ERBB4: variants seen among roughly 807,000 people sequenced by gnomAD.
ERBB4 encodes the protein receptor tyrosine-protein kinase erbB-4.
A neutral mutation model predicts 158.0 loss-of-function variants in ERBB4; 42 were observed. The observed-to-expected ratio is 0.27, with a 90% CI of 0.21 to 0.34. The LOEUF is 0.34. ERBB4 is among the 10% of genes least tolerant of loss of function. ERBB4 has a pLI of 1.00. For missense variants in ERBB4, 1,333 were observed against 1,624.1 expected (o/e 0.82, Z 3.08); for synonymous variants, 583 against 558.7 (o/e 1.04, Z -0.61).
At chr2:212,334,927 G>T (rs1435571087) in intron 1 of ERBB4, among the ~76,000 whole-genome samples, 2 of 151,866 alleles carry the variant, frequency 1.3e-5, no homozygotes, top group African/African-American at 2.4e-5. Context: ...TCATAAGTAA[G>T]CAGGTAAACA....
intron 1 of ERBB4, among the ~76,000 whole-genome samples, chr2:212,294,032 TTTC>T (rs1342696461): frequency 1.3e-5 from 2 of 151,960 alleles, no homozygotes; most frequent in African/African-American, 4.8e-5. Flanking sequence ...AAATTTATAT[TTTC>T]TTCAACAGTA....
chr2:211,416,174 T>C (rs2063386587), intron 25 of ERBB4, among the ~76,000 whole-genome samples: 1 of 152,214 alleles, frequency 6.6e-6, no homozygotes, highest in African/African-American at 2.4e-5. Flanking sequence ...TTAAATTAAA[T>C]TTTCTAATAT....
intron 5 of ERBB4, 71 bp downstream of exon 5, chr2:211,750,568 C>A: frequency 7.8e-7 from 1 of 1,279,284 alleles, no homozygotes. Flanking sequence ...TGACCAGAGG[C>A]ATGAAATGGA....
chr2:211,712,349 TG>T (rs2073732988), intron 8 of ERBB4, among the ~76,000 whole-genome samples, 173 bp from the exon 9 acceptor site: 1 of 152,202 alleles, frequency 6.6e-6, no homozygotes, highest in African/African-American at 2.4e-5. Context: ...CATTCACTAC[TG>T]GTTCTGCTTT....
At chr2:212,054,260 G>A (rs1347798724) in intron 2 of ERBB4, among the ~76,000 whole-genome samples, 1 of 152,176 alleles carries the variant, frequency 6.6e-6, no homozygotes, top group African/African-American at 2.4e-5. Flanking sequence ...GTAAGAACAG[G>A]TTAATCATTT....
At chr2:211,714,784 G>A (rs1414276555) in intron 7 of ERBB4, among the ~76,000 whole-genome samples, 1 of 152,162 alleles carries the variant, frequency 6.6e-6, no homozygotes, top group African/African-American at 2.4e-5. Context: ...ATCATGTTGG[G>A]CAGGTCCAAG....
chr2:211,431,940 G>T (rs377023148), intron 20 of ERBB4, among the ~76,000 whole-genome samples: 1 of 152,016 alleles, frequency 6.6e-6, no homozygotes, highest in Non-Finnish European at 1.5e-5. Context: ...TAATCTAGAG[G>T]AGTAATAATT....
At chr2:211,591,125 T>C (rs934290869) in intron 19 of ERBB4, among the ~76,000 whole-genome samples, 11 of 152,318 alleles carry the variant, frequency 7.2e-5, no homozygotes, top group African/African-American at 2.6e-4. Flanking sequence ...AATAAAGATA[T>C]TGATTTATCA....
chr2:212,528,402 C>T (rs1692567743), intron 1 of ERBB4, among the ~76,000 whole-genome samples: 1 of 152,158 alleles, frequency 6.6e-6, no homozygotes, highest in African/African-American at 2.4e-5. Flanking sequence ...TTCACCATTA[C>T]ATACTACTTC....
chr2:211,861,475 T>G (rs1413209091), intron 3 of ERBB4, among the ~76,000 whole-genome samples: 1 of 151,072 alleles, frequency 6.6e-6, no homozygotes, highest in Non-Finnish European at 1.5e-5. Context: ...AGTGCTAGGA[T>G]TACAGACACG....
chr2:212,428,645 G>A (rs2091964113), intron 1 of ERBB4, among the ~76,000 whole-genome samples: 1 of 152,032 alleles, frequency 6.6e-6, no homozygotes, highest in South Asian at 2.1e-4. Flanking sequence ...TACTAAAAAT[G>A]TAAGAAAATA....
chr2:212,137,375 T>G (rs933519942), intron 1 of ERBB4, among the ~76,000 whole-genome samples: 168 of 152,296 alleles, frequency 1.1e-3, no homozygotes, highest in Non-Finnish European at 2.8e-4. Flanking sequence ...CCCCTCTGTG[T>G]GTCCATGTGT....
At chr2:212,394,632 T>C (rs909197392) in intron 1 of ERBB4, among the ~76,000 whole-genome samples, 1 of 152,120 alleles carries the variant, frequency 6.6e-6, no homozygotes, top group Non-Finnish European at 1.5e-5. Context: ...TGTTAAATAT[T>C]TTCTTCCACG....
chr2:211,605,789 ATTTT>A (rs1016144411), intron 19 of ERBB4, among the ~76,000 whole-genome samples: 1 of 152,092 alleles, frequency 6.6e-6, no homozygotes, highest in African/African-American at 2.4e-5. Context: ...AACAAGAATC[ATTTT>A]TTTAACATCC....
chr2:212,038,439 C>G (rs950243991), intron 2 of ERBB4, among the ~76,000 whole-genome samples: 1 of 152,080 alleles, frequency 6.6e-6, no homozygotes, highest in African/African-American at 2.4e-5. Flanking sequence ...TCTACCTTTA[C>G]TGAGTGAGTC....
At chr2:212,331,075 C>CATAT (rs1553619158) in intron 1 of ERBB4, among the ~76,000 whole-genome samples, 15 of 21,306 alleles carry the variant, frequency 7.0e-4, no homozygotes, top group South Asian at 1.7e-3. Context: ...TATATATACA[C>CATAT]ATATATATAT....
At chr2:211,771,852 C>G (rs1437539792) in intron 4 of ERBB4, among the ~76,000 whole-genome samples, 3 of 152,074 alleles carry the variant, frequency 2.0e-5, no homozygotes, top group Non-Finnish European at 4.4e-5. Context: ...CGGAACTGGC[C>G]TCAGCCTACC....
At chr2:212,188,685 A>G (rs1402959728) in intron 1 of ERBB4, among the ~76,000 whole-genome samples, 1 of 151,946 alleles carries the variant, frequency 6.6e-6, no homozygotes, top group South Asian at 2.1e-4. Context: ...TTTACCTGGA[A>G]CAAGCTTTCT....
intron 3 of ERBB4, among the ~76,000 whole-genome samples, chr2:211,879,158 G>A (rs536291618): frequency 6.6e-6 from 1 of 151,390 alleles, no homozygotes; most frequent in East Asian, 1.9e-4. Flanking sequence ...GAAAATCCTA[G>A]ACAAAAATGA....
Sources: gnomAD v4.1 joint callset for allele counts (sites outside exome capture counted in the v4.1 genomes callset) on GRCh38, gnomAD v4.1.1 for gene constraint, MANE v1.5 for transcripts, NCBI Gene and HGNC (gene_info 2026-07-23, HGNC 2026-07-21) for gene names.